PLCE1: variants seen among roughly 807,000 people sequenced by gnomAD.
PLCE1 encodes phospholipase C epsilon 1.
In PLCE1, 119 loss-of-function variants were observed where a neutral mutation model predicts 242.8. The ratio of observed to expected loss-of-function variants is 0.49; its 90% confidence interval spans 0.42 to 0.57. The LOEUF (loss-of-function observed/expected upper bound fraction) is 0.57. PLCE1 is among the 20% of genes least tolerant of loss of function. The probability of loss-of-function intolerance (pLI) is 0.00; values close to 1 mark genes in which losing one functional copy is unlikely to be tolerated. For synonymous variants in PLCE1, 945 were observed against 1,017.4 expected (o/e 0.93, Z 1.35); for missense variants, 2,441 against 2,788.8 (o/e 0.88, Z 2.81).
rs2061557538 is a variant in PLCE1 at position 94,031,554 on chromosome 10, T to A, written c.508T>A (p.Ser170Thr). 6.2e-7 allele frequency: 1 copy of A among 1,612,108 alleles called. No individual in the cohort carries two copies. The change falls in exon 2 of 33, where the codon TCA becomes ACA. Residue 170 changes from serine to threonine, a missense_variant. By Grantham distance (58) the Ser-to-Thr change is moderately conservative (BLOSUM62 1). Transcript: ENST00000371380. ...GGGCATTAGTCCTTTAGGAAATCAG[T>A]CAGTGATCATAGAGACAGGCAGAGC... is the stretch of plus-strand genomic sequence containing the variant. ...SMGISPLGNQSVIIETGRAHP... is the reference protein window; with the variant it reads ...SMGISPLGNQTVIIETGRAHP...
intron 13 of PLCE1, 84 bp downstream of exon 13, chr10:94,259,234 C>A: frequency 7.3e-7 from 1 of 1,369,792 alleles, no homozygotes; most frequent in Non-Finnish European, 1.0e-6. Flanking sequence ...AAACTCTGAG[C>A]CTGTCCCACA....
At chr10:94,211,696 T>G (rs1054027279) in intron 4 of PLCE1, among the ~76,000 whole-genome samples, 23 of 152,320 alleles carry the variant, frequency 1.5e-4, no homozygotes, top group Non-Finnish European at 2.5e-4. Context: ...GTTTTAGAGT[T>G]CCTCCAATGA....
chr10:94,078,159 A>T (rs1257265646), intron 2 of PLCE1, among the ~76,000 whole-genome samples: 1 of 152,238 alleles, frequency 6.6e-6, no homozygotes, highest in Admixed American at 6.5e-5. Context: ...TTGACTTTTT[A>T]AAAATATCTG....
chr10:94,157,167 A>C (rs928362597), intron 3 of PLCE1, among the ~76,000 whole-genome samples: 2 of 152,182 alleles, frequency 1.3e-5, no homozygotes, highest in African/African-American at 4.8e-5. Context: ...TGCAAGTTGC[A>C]GGTTATAAAA....
At chr10:94,241,978 CTA>C (rs2050521039) in intron 7 of PLCE1, among the ~76,000 whole-genome samples, 1 of 152,116 alleles carries the variant, frequency 6.6e-6, no homozygotes, top group African/African-American at 2.4e-5. Context: ...CACCATTATT[CTA>C]TGAGATGAGC....
At position 94,156,558 on chromosome 10, in the gene PLCE1, T is replaced by C. The variant is rs186018328; in HGVS notation, c.1493-14622T>C. ...GTGGAGGTTCCATACCCTCTCTGGG[T>C]GACCACCTTCCCAGCACCTCCTTGT... On this transcript the variant is annotated intron_variant, in intron 3 of 32. Transcript: ENST00000371380. 3.6e-3 allele frequency among the ~76,000 whole-genome samples: 548 copies of C among 152,304 alleles called. 6 individuals are homozygous for C. Among genetic ancestry groups the C allele is most frequent in the African/African-American group, 0.013 (520 of 41,566 alleles).
At chr10:94,070,080 G>T (rs139360228) in intron 2 of PLCE1, among the ~76,000 whole-genome samples, 3 of 152,164 alleles carry the variant, frequency 2.0e-5, no homozygotes, top group African/African-American at 7.2e-5. Flanking sequence ...AAGGAGTGAG[G>T]TAATGTGCTG....
At chr10:94,045,872 G>A (rs2061872673) in intron 2 of PLCE1, among the ~76,000 whole-genome samples, 1 of 152,018 alleles carries the variant, frequency 6.6e-6, no homozygotes, top group Non-Finnish European at 1.5e-5. Flanking sequence ...AGGCCGAGGC[G>A]GGTGGATCAC....
intron 2 of PLCE1, chr10:94,105,604 T>A (rs910951212): frequency 2.0e-5 from 3 of 152,202 alleles, no homozygotes; most frequent in Non-Finnish European, 4.4e-5. Flanking sequence ...GCTGCCATTG[T>A]CCACTTCACT....
chr10:94,041,976 G>A (rs1434317494), intron 2 of PLCE1, among the ~76,000 whole-genome samples: 1 of 151,912 alleles, frequency 6.6e-6, no homozygotes, highest in Non-Finnish European at 1.5e-5. Flanking sequence ...GTATTTTTCA[G>A]TATTAAAAAA....
chr10:94,016,530 C>T (rs2061286123), intron 1 of PLCE1, among the ~76,000 whole-genome samples: 1 of 152,136 alleles, frequency 6.6e-6, no homozygotes. Flanking sequence ...TATGTCAGCA[C>T]TCAAAAAGTT....
At chr10:94,055,406 C>G (rs766452824) in intron 2 of PLCE1, among the ~76,000 whole-genome samples, 16 of 151,900 alleles carry the variant, frequency 1.1e-4, no homozygotes, top group Non-Finnish European at 4.4e-5. Flanking sequence ...CACCCCACCC[C>G]CCGGGTTCAA....
intron 4 of PLCE1, among the ~76,000 whole-genome samples, chr10:94,216,208 T>C (rs1348021715): frequency 1.3e-5 from 2 of 152,228 alleles, no homozygotes; most frequent in Non-Finnish European, 2.9e-5. Context: ...GTTATTTCAC[T>C]GATGTCGGAA....
intron 4 of PLCE1, among the ~76,000 whole-genome samples, chr10:94,194,553 G>T (rs1300883146): frequency 1.3e-5 from 2 of 152,298 alleles, no homozygotes; most frequent in Non-Finnish European, 2.9e-5. Context: ...ATTCCAGAGG[G>T]CACTGTTCAC....
chr10:94,031,074 G>C lies in PLCE1; in HGVS notation c.28G>C (p.Val10Leu). Reference sequence around the variant, plus strand: ...GACTTCTGAAGAAATGACAGCTTCTGTTCTCATACCTGTGACTCAGAGAAA... The same window carrying C: ...GACTTCTGAAGAAATGACAGCTTCTCTTCTCATACCTGTGACTCAGAGAAA... The part of the protein sequence containing the change: MTSEEMTAS[V>L]LIPVTQRKVV... The change falls in exon 2 of 33, where the codon GTT becomes CTT. Residue 10 changes from valine (V) to leucine (L), a missense_variant. Coordinates refer to ENST00000371380, the MANE Select transcript of PLCE1 (RefSeq NM_016341.4). 6.2e-7 allele frequency: 1 copy of C among 1,613,676 alleles called. No homozygotes were observed. Among genetic ancestry groups the C allele is most frequent in the Non-Finnish European group, 8.5e-7 (1 of 1,179,656 alleles).
intron 5 of PLCE1, among the ~76,000 whole-genome samples, chr10:94,231,767 G>A (rs768672212): frequency 1.8e-4 from 28 of 152,060 alleles, no homozygotes; most frequent in Admixed American, 3.3e-4. Context: ...CATAAGGAGC[G>A]TGCAACCTAG....
chr10:94,054,908 A>G (rs1016460830), intron 2 of PLCE1, among the ~76,000 whole-genome samples: 1 of 151,932 alleles, frequency 6.6e-6, no homozygotes, highest in Non-Finnish European at 1.5e-5. Flanking sequence ...GCTATTCAGG[A>G]AGCTGAGGCA....
chr10:94,213,385 T>C (rs536780865), intron 4 of PLCE1, among the ~76,000 whole-genome samples: 1 of 152,314 alleles, frequency 6.6e-6, no homozygotes, highest in South Asian at 2.1e-4. Flanking sequence ...CACAGTCCAG[T>C]GTACCTGATG....
In PLCE1 at chr10:94,306,459, T is replaced by C; in HGVS notation, c.5655T>C (p.Asn1885=). ...CTGGTCAGAATGTGTGCCCCAGTAATAGCATGGGAAGCCCGTGCATTGAAG... is the reference window on the plus strand; with the variant it reads ...CTGGTCAGAATGTGTGCCCCAGTAACAGCATGGGAAGCCCGTGCATTGAAG... The part of the protein sequence containing the change: ...IVSGQNVCPS[N]SMGSPCIEVD... The change falls in exon 26 of 33, where the codon AAT becomes AAC. Residue 1885 remains asparagine (N), a synonymous_variant. Transcript: ENST00000371380. The surrounding 1 kb of genome is among the most constrained non-coding windows in gnomAD (Gnocchi z 5.7). 1 of 1,614,038 alleles carries C rather than the reference T, an allele frequency of 6.2e-7. No individual in the cohort carries two copies. The highest frequency in any genetic ancestry group is 1.7e-5 in the Admixed American group (1 of 60,022).
Sources: allele counts gnomAD v4.1 joint callset (sites outside exome capture counted in the v4.1 genomes callset), GRCh38; gene constraint gnomAD v4.1.1; non-coding constraint Gnocchi (gnomAD v3.1); transcripts MANE v1.5; gene names NCBI Gene and HGNC (gene_info 2026-07-23, HGNC 2026-07-21).